The following WWC2 variants were observed in gnomAD, a reference collection of about 807,000 sequenced individuals.
WWC2 encodes WW and C2 domain containing 2.
A neutral mutation model predicts 138.5 loss-of-function variants in WWC2; 101 were observed. That is an observed-to-expected ratio of 0.73 (90% CI 0.62 to 0.86). The LOEUF is 0.86. Ranked by LOEUF, WWC2 falls within the 40% of genes least tolerant of loss-of-function variation. The pLI is 0.00. For missense variants in WWC2, 1,420 were observed against 1,419.4 expected, an observed-to-expected ratio of 1.00 and a Z score of -0.01; for synonymous variants, 558 against 538.4, an observed-to-expected ratio of 1.04 and a Z score of -0.50.
intron 1 of WWC2, among the ~76,000 whole-genome samples, chr4:183,129,230 A>G (rs2111066751): frequency 6.6e-6 from 1 of 152,306 alleles, no homozygotes; most frequent in South Asian, 2.1e-4. Flanking sequence ...CACAGGAGGA[A>G]CGGCTGGTGG....
At position 183,271,150 on chromosome 4, in the gene WWC2, T is replaced by G; in HGVS notation, c.2471T>G (p.Leu824Arg). 6.2e-7 allele frequency: 1 copy of G among 1,613,258 alleles called. No homozygotes were observed. The highest frequency in any genetic ancestry group is 1.1e-5 in the South Asian group (1 of 90,930). The stretch of plus-strand genomic sequence containing the variant: ...GTTTTCACTCTATGGTATAACTTGC[T>G]TCCTTCCAAGCAAATGCCTTGCAAA... ...SEVFTLWYNL[L>R]PSKQMPCKKN... is the part of the protein sequence containing the mutation. Residue 824 changes from leucine to arginine, a missense_variant, in exon 16 of 23, where the codon CTT (leucine) becomes CGT (arginine). Transcript: ENST00000403733.
intron 21 of WWC2, among the ~76,000 whole-genome samples, chr4:183,304,406 C>T (rs746312216): frequency 6.6e-6 from 1 of 152,114 alleles, no homozygotes; most frequent in Non-Finnish European, 1.5e-5. Context: ...AGTTTTACTT[C>T]CAGGAGCTTG....
chr4:183,271,666 C>T (rs1215722113), intron 16 of WWC2, among the ~76,000 whole-genome samples: 1 of 152,152 alleles, frequency 6.6e-6, no homozygotes, highest in Non-Finnish European at 1.5e-5. Context: ...AGTGTGTTAG[C>T]TTTTCATTTG....
In WWC2 at chr4:183,269,117, G is replaced by GGGTAGACC; in HGVS notation, c.2355_2362dup (p.Leu788ArgfsTer2). The GGGTAGACC allele has an allele frequency of 6.2e-7, 1 of 1,613,814 alleles. No individual in the cohort carries two copies. The highest frequency in any genetic ancestry group is 8.5e-7 in the Non-Finnish European group (1 of 1,179,862). On this transcript the variant is annotated frameshift_variant, in exon 15 of 23. Coordinates refer to ENST00000403733, the MANE Select transcript of WWC2 (RefSeq NM_024949.6). LOFTEE classifies it high-confidence loss of function. ...ACAGCCTTACAACAGAAGACACTGA[G>GGGTAGACC]GGTAGACCTTTGCTCTGTCAGTAAA...
chr4:183,235,279 T>C (rs1736386286), intron 4 of WWC2, among the ~76,000 whole-genome samples: 2 of 152,206 alleles, frequency 1.3e-5, no homozygotes, highest in Non-Finnish European at 2.9e-5. Flanking sequence ...AAAATTTCAC[T>C]CATATCACCT....
chr4:183,240,358 A>G (rs1736577830), intron 5 of WWC2, 96 bp downstream of exon 5: 1 of 936,278 alleles, frequency 1.1e-6, no homozygotes, highest in East Asian at 2.9e-5. Context: ...GCGATTTCTT[A>G]AAGAAACGTA....
chr4:183,237,020 C>T (rs1207055455), intron 4 of WWC2, among the ~76,000 whole-genome samples: 2 of 151,998 alleles, frequency 1.3e-5, no homozygotes, highest in African/African-American at 4.8e-5. Flanking sequence ...ACATAAAATA[C>T]ACTAGTACTA....
intron 1 of WWC2, among the ~76,000 whole-genome samples, chr4:183,127,954 C>A (rs1036833657): frequency 1.3e-5 from 2 of 150,024 alleles, no homozygotes; most frequent in African/African-American, 4.9e-5. Context: ...AAGAAATGTA[C>A]ATTATAATTA....
intron 21 of WWC2, among the ~76,000 whole-genome samples, chr4:183,295,426 C>T (rs1738600894): frequency 6.6e-6 from 1 of 152,178 alleles, no homozygotes; most frequent in South Asian, 2.1e-4. Context: ...ATCAATACAG[C>T]CTGTAAAACG....
chr4:183,112,256 AT>A (rs1160126213), intron 1 of WWC2, among the ~76,000 whole-genome samples: 1 of 152,132 alleles, frequency 6.6e-6, no homozygotes, highest in Non-Finnish European at 1.5e-5. Flanking sequence ...TTCTTGAGAG[AT>A]TTCCTAGTGT....
intron 1 of WWC2, among the ~76,000 whole-genome samples, chr4:183,155,725 A>G (rs6822673): frequency 0.99 from 150,582 of 152,298 alleles, 74,466 homozygotes; most frequent in Middle Eastern, 1. Context: ...AGAAAATGTC[A>G]TATACAGTAA....
intron 1 of WWC2, among the ~76,000 whole-genome samples, chr4:183,112,404 C>T (rs1415400417): frequency 6.6e-6 from 1 of 152,204 alleles, no homozygotes; most frequent in Non-Finnish European, 1.5e-5. Flanking sequence ...CCCACAGGGA[C>T]ACTTAACACG....
Position 183,132,705 on chromosome 4 carries a change from A to G in WWC2, c.131+33083A>G, listed in dbSNP as rs544003005. Among the ~76,000 whole-genome samples the G allele has an allele frequency of 1.1e-3, 173 of 152,144 alleles. 1 individual carries two copies. The highest frequency in any genetic ancestry group is 2.0e-3 in the Non-Finnish European group (139 of 67,982). ...CCTGACCTCGTGATCCGCCCTCCTC[A>G]GCCTCCCAAAGTGCTGGGATTACAG... On this transcript the variant is annotated intron_variant, in intron 1 of 22. Coordinates refer to ENST00000403733, the MANE Select transcript of WWC2 (RefSeq NM_024949.6).
intron 22 of WWC2, among the ~76,000 whole-genome samples, chr4:183,312,674 C>T (rs972125769): frequency 6.6e-6 from 1 of 152,238 alleles, no homozygotes; most frequent in Non-Finnish European, 1.5e-5. Flanking sequence ...TAACTCCCCA[C>T]AAGAACCCAG....
At chr4:183,123,814 AG>A in intron 1 of WWC2, among the ~76,000 whole-genome samples, 1 of 152,264 alleles carries the variant, frequency 6.6e-6, no homozygotes, top group East Asian at 1.9e-4. Context: ...TAAATTTAAA[AG>A]ATTTCCTAAT....
intron 4 of WWC2, among the ~76,000 whole-genome samples, chr4:183,219,703 C>T (rs1464931264): frequency 2.0e-5 from 3 of 152,096 alleles, no homozygotes; most frequent in African/African-American, 7.2e-5. Context: ...AAGTAGACTG[C>T]ACATTTTATA....
chr4:183,202,452 G>A (rs1325424354), intron 2 of WWC2, among the ~76,000 whole-genome samples: 1 of 152,106 alleles, frequency 6.6e-6, no homozygotes, highest in East Asian at 1.9e-4. Context: ...CAAATGGAAA[G>A]TGCAACATTA....
Position 183,288,053 on chromosome 4 carries a change from G to A in WWC2, c.3142-1340G>A, listed in dbSNP as rs149381453. Among the ~76,000 whole-genome samples, 517 of 152,336 alleles carry A rather than the reference G, an allele frequency of 3.4e-3. 3 individuals are homozygous for A. The highest frequency in any genetic ancestry group is 0.012 in the African/African-American group (492 of 41,572). On this transcript the variant is annotated intron_variant, in intron 20 of 22. Transcript: ENST00000403733. ...AAAGATTTCTGATTCCAAAAAGTAA[G>A]TAATACAGTCAAAGATAATGTGTGT...
Position 183,188,612 on chromosome 4 carries a change from A to T in WWC2, c.132-4987A>T, listed in dbSNP as rs10446836. ...TAATATGATCTCTCTCTCTCTATCT[A>T]ATATGATCTCTCTCTCTCTCTTGCT... On this transcript the variant is annotated intron_variant, in intron 1 of 22. Transcript: ENST00000403733. 3.4e-3 allele frequency among the ~76,000 whole-genome samples: 502 copies of T among 146,330 alleles called. 1 individual carries two copies. Among genetic ancestry groups the T allele is most frequent in the South Asian group, 0.012 (57 of 4,620 alleles).
Sources: allele counts gnomAD v4.1 joint callset (sites outside exome capture counted in the v4.1 genomes callset), GRCh38; gene constraint gnomAD v4.1.1; transcripts MANE v1.5; gene names NCBI Gene and HGNC (gene_info 2026-07-23, HGNC 2026-07-21).